Variants in VILL observed in about 807,000 individuals in gnomAD.
VILL encodes villin like.
A neutral mutation model predicts 106.3 loss-of-function variants in VILL; 102 were observed. The observed-to-expected ratio is 0.96, with a 90% CI of 0.82 to 1.13. VILL has a LOEUF of 1.13. VILL is among the 50% of genes most tolerant of loss of function. VILL has a pLI of 0.00. For missense variants in VILL, 1,076 were observed against 1,116.6 expected, an observed-to-expected ratio of 0.96 and a Z score of 0.52; for synonymous variants, 431 against 440.3, an observed-to-expected ratio of 0.98 and a Z score of 0.27.
intron 4 of VILL, among the ~76,000 whole-genome samples, chr3:37,995,477 C>G (rs1473538991): frequency 6.6e-6 from 1 of 152,204 alleles, no homozygotes; most frequent in East Asian, 1.9e-4. Context: ...CAGTGTGCCC[C>G]CAAATGTATG....
Position 38,001,862 on chromosome 3 carries a change from T to C in VILL, c.1479+2T>C, listed in dbSNP as rs780097128. 1.2e-6 allele frequency: 2 copies of C among 1,614,124 alleles called. No homozygotes were observed. The highest frequency in any genetic ancestry group is 2.2e-5 in the South Asian group (2 of 91,074). On this transcript the variant is annotated splice_donor_variant, in intron 13 of 19. Transcript: ENST00000383759. LOFTEE classifies it high-confidence loss of function. ...CAGGGCCAGCTGGTGATCTTCCAGGTAGGTCTCACCTTGCCACTCTGGCCA... is the reference window on the plus strand; with the variant it reads ...CAGGGCCAGCTGGTGATCTTCCAGGCAGGTCTCACCTTGCCACTCTGGCCA...
intron 16 of VILL, among the ~76,000 whole-genome samples, chr3:38,005,550 A>T (rs892080923): frequency 6.6e-6 from 1 of 151,964 alleles, no homozygotes; most frequent in Admixed American, 6.5e-5. Context: ...ATCTCCAGGT[A>T]AATCATGCAA....
rs763230314 is a variant in VILL at position 38,001,718 on chromosome 3, C to T, written c.1337C>T (p.Ala446Val). Residue 446 changes from alanine (A) to valine (V), a missense_variant, in exon 13 of 20, where the codon GCG (alanine) becomes GTG (valine). By Grantham distance (64) the Ala-to-Val change is moderately conservative. Transcript: ENST00000383759. ...LYLWQGHQATADEIEALNSNA... is the reference protein window; with the variant it reads ...LYLWQGHQATVDEIEALNSNA... ...CACCTGCAGGGCCACCAGGCCACTGCGGATGAGATTGAGGCCCTGAACAGC... is the reference window on the plus strand; with the variant it reads ...CACCTGCAGGGCCACCAGGCCACTGTGGATGAGATTGAGGCCCTGAACAGC... 4 of 1,614,050 alleles carry T rather than the reference C, an allele frequency of 2.5e-6. No individual in the cohort carries two copies. Among genetic ancestry groups the T allele is most frequent in the East Asian group, 2.2e-5 (1 of 44,880 alleles).
At chr3:37,996,325 A>G (rs1043383019) in intron 5 of VILL, among the ~76,000 whole-genome samples, 3 of 152,198 alleles carry the variant, frequency 2.0e-5, no homozygotes, top group Admixed American at 6.5e-5. Context: ...CTATATGCAC[A>G]CACACTGTCT....
intron 2 of VILL, 24 bp from the exon 3 acceptor site, chr3:37,993,874 T>C: frequency 6.2e-7 from 1 of 1,614,022 alleles, no homozygotes; most frequent in Non-Finnish European, 8.5e-7. Context: ...TCCTGAGTTG[T>C]TACAGGGAAC....
In VILL at chr3:38,001,758, A is replaced by G. The variant is rs752807321; in HGVS notation, c.1377A>G (p.Leu459=). The G allele has an allele frequency of 1.2e-6, 2 of 1,614,232 alleles. No homozygotes were observed. The highest frequency in any genetic ancestry group is 1.7e-6 in the Non-Finnish European group (2 of 1,180,028). ...IEALNSNAEE[L]DVMYGGVLVQ... ...CCCTGAACAGCAACGCTGAGGAACT[A>G]GATGTCATGTATGGTGGCGTCCTAG... The change falls in exon 13 of 20, where the codon CTA becomes CTG. Residue 459 remains leucine, a synonymous_variant. Coordinates refer to ENST00000383759, the MANE Select transcript of VILL (RefSeq NM_015873.4).
intron 19 of VILL, 65 bp from the exon 20 acceptor site, chr3:38,006,877 G>C (rs1267195711): frequency 8.5e-6 from 13 of 1,532,658 alleles, no homozygotes; most frequent in African/African-American, 1.4e-5. Flanking sequence ...ACACTACTGA[G>C]TGGGGCAGGA....
At position 37,998,378 on chromosome 3, in the gene VILL, CTCTG is replaced by C; in HGVS notation, c.942+19_942+22del. The C allele has an allele frequency of 1.2e-6, 2 of 1,613,200 alleles. No individual in the cohort carries two copies. The highest frequency in any genetic ancestry group is 1.7e-6 in the Non-Finnish European group (2 of 1,179,236). On this transcript the variant is annotated intron_variant, in intron 9 of 19. Transcript: ENST00000383759. The surrounding 1 kb of genome is among the most constrained non-coding windows in gnomAD (Gnocchi z 4.1). ...AGCCGGGCTGTGGTGAGCCCTGGGG[CTCTG>C]TCTGAGAGGAACAGAGCACTGCCCT...
At chr3:37,990,397 C>T (rs933059662), upstream of VILL, among the ~76,000 whole-genome samples, 4 of 152,230 alleles carry the variant, frequency 2.6e-5, no homozygotes, top group Non-Finnish European at 1.5e-5. The surrounding 1 kb of genome is among the most constrained non-coding windows in gnomAD (Gnocchi z 5.1). Flanking sequence ...CCTACTTCCT[C>T]CTAAAGTTTG....
chr3:37,993,926 G>C lies in VILL; in HGVS notation c.89G>C (p.Gly30Ala). 6.2e-7 allele frequency: 1 copy of C among 1,614,166 alleles called. No individual in the cohort carries two copies. Among genetic ancestry groups the C allele is most frequent in the Non-Finnish European group, 8.5e-7 (1 of 1,180,014 alleles). The change falls in exon 3 of 20, where the codon GGG (glycine) becomes GCG (alanine). Residue 30 changes from glycine (G) to alanine (A), a missense_variant. Transcript: ENST00000383759. ...ENRKMVPVPE[G>A]AYGNFFEEHC... is the part of the protein sequence containing the mutation. ...CGGAAGATGGTGCCGGTACCCGAGG[G>C]GGCTTACGGGAACTTTTTTGAGGAA...
In VILL at chr3:37,998,047, G is replaced by C. The variant is rs1325116084; in HGVS notation, c.765-43G>C. 1.3e-6 allele frequency: 2 copies of C among 1,546,756 alleles called. No homozygotes were observed. Among genetic ancestry groups the C allele is most frequent in the Admixed American group, 1.9e-5 (1 of 53,210 alleles). On this transcript the variant is annotated intron_variant, in intron 7 of 19. Coordinates refer to ENST00000383759, the MANE Select transcript of VILL (RefSeq NM_015873.4). This position sits in a 1 kb window ranked among gnomAD's most constrained non-coding sequence, Gnocchi z 4.1. ...ATGGGGCTGGAGTGGAGACAGATCA[G>C]GGAGGGGCTGGGCTGGCCACTCCTG...
chr3:38,002,551 C>T lies in VILL; in HGVS notation c.1635C>T (p.Ser545=), dbSNP rs770116088. Residue 545 remains serine, a synonymous_variant, in exon 14 of 20, where the codon AGC becomes AGT. Transcript: ENST00000383759. ...ACATCTTCTTGCTGGTCACAGCCAG[C>T]GTCTGCTACCTCTGGTTTGGGAAGG... is the stretch of plus-strand genomic sequence containing the variant. ...SSDIFLLVTA[S]VCYLWFGKGC... The T allele has an allele frequency of 8.7e-6, 14 of 1,613,646 alleles. No individual in the cohort carries two copies. The highest frequency in any genetic ancestry group is 2.7e-5 in the African/African-American group (2 of 74,936).
chr3:38,002,070 G>A, intron 13 of VILL: 1 of 817,074 alleles, frequency 1.2e-6, no homozygotes, highest in South Asian at 1.8e-5. Context: ...AGGAATTTGA[G>A]TTGAAAGGGA....
rs765420513 is a variant in VILL at position 37,999,024 on chromosome 3, G to C, written c.1055G>C (p.Arg352Pro). Reference sequence around the variant, plus strand: ...TTCCGGACTTGGTCTGAGAAGCGGCGCAGGAACCAGAAGCTCGGCGGGAGG... The same window carrying C: ...TTCCGGACTTGGTCTGAGAAGCGGCCCAGGAACCAGAAGCTCGGCGGGAGG... ...QLFRTWSEKR[R>P]RNQKLGGRDK... is the part of the protein sequence containing the mutation. Residue 352 changes from arginine (R) to proline (P), a missense_variant, in exon 10 of 20, where the codon CGC (arginine) becomes CCC (proline). Physicochemically the swap from Arg to Pro is moderately radical, Grantham distance 103. Transcript: ENST00000383759. 2.5e-6 allele frequency: 4 copies of C among 1,588,856 alleles called. No individual in the cohort carries two copies. The Admixed American group carries it at 5.1e-5, about 20-fold the overall frequency.
intron 15 of VILL, chr3:38,003,982 A>T: frequency 2.8e-6 from 1 of 357,068 alleles, no homozygotes; most frequent in Non-Finnish European, 5.1e-6. Flanking sequence ...ACTCCAGCTC[A>T]GGCCCTCCCC....
chr3:37,998,098 A>T lies in VILL; in HGVS notation c.773A>T (p.Glu258Val), dbSNP rs1470549251. 3.7e-6 allele frequency: 6 copies of T among 1,610,506 alleles called. No individual in the cohort carries two copies. In the East Asian group the frequency reaches 1.3e-4, roughly 36 times the overall value. Reference sequence around the variant, plus strand: ...GGTTCCTGTCCCCCCAGTGTCTATGAGAAGGGCAAAGACCTGGTGGTCCTG... The same window carrying T: ...GGTTCCTGTCCCCCCAGTGTCTATGTGAAGGGCAAAGACCTGGTGGTCCTG... ...KANVRLYHVY[E>V]KGKDLVVLEL... The change falls in exon 8 of 20, where the codon GAG (glutamate) becomes GTG (valine). Residue 258 changes from glutamate (E) to valine (V), a missense_variant. Physicochemically the swap from Glu to Val is moderately radical, Grantham distance 121 (BLOSUM62 -2). Transcript: ENST00000383759. The surrounding 1 kb of genome is among the most constrained non-coding windows in gnomAD (Gnocchi z 4.1).
At position 38,006,205 on chromosome 3, in the gene VILL, G is replaced by A. The variant is rs1475550338; in HGVS notation, c.2158G>A (p.Val720Met). ...GAGCCACCCGTCCCACAAGGAAGTG[G>A]TGGATGGCAGCCCGGCAGCAGCATC... ...WTSHPSHKEVVDGSPAAASTI... is the reference protein window; with the variant it reads ...WTSHPSHKEVMDGSPAAASTI... Residue 720 changes from valine (V) to methionine (M), a missense_variant, in exon 18 of 20, where the codon GTG becomes ATG. Coordinates refer to ENST00000383759, the MANE Select transcript of VILL (RefSeq NM_015873.4). The A allele has an allele frequency of 4.3e-6, 7 of 1,614,228 alleles. No individual in the cohort carries two copies. Among genetic ancestry groups the A allele is most frequent in the Middle Eastern group, 1.6e-4 (1 of 6,062 alleles).
chr3:37,994,427 A>T lies in VILL; in HGVS notation c.302A>T (p.Glu101Val), dbSNP rs781495801. 2 of 1,612,734 alleles carry T rather than the reference A, an allele frequency of 1.2e-6. No individual in the cohort carries two copies. Among genetic ancestry groups the T allele is most frequent in the South Asian group, 2.2e-5 (2 of 91,068 alleles). The change falls in exon 4 of 20, where the codon GAG becomes GTG. Residue 101 changes from glutamate to valine, a missense_variant. Transcript: ENST00000383759. ...TVLHREAQGH[E>V]SDCFCSYFRP... is the part of the protein sequence containing the mutation. ...CTGCACCGCGAGGCGCAGGGCCACG[A>T]GTCCGACTGCTTCTGCAGCTACTTC...
chr3:37,999,580 T>A (rs1699776938), intron 11 of VILL, 141 bp downstream of exon 11: 2 of 580,762 alleles, frequency 3.4e-6, no homozygotes, highest in Non-Finnish European at 5.7e-6. Flanking sequence ...ACGTGTACAT[T>A]TACATACTCT....
Sources: allele counts gnomAD v4.1 joint callset (sites outside exome capture counted in the v4.1 genomes callset), GRCh38; gene constraint gnomAD v4.1.1; non-coding constraint Gnocchi (gnomAD v3.1); transcripts MANE v1.5; gene names NCBI Gene and HGNC (gene_info 2026-07-23, HGNC 2026-07-21).